RBFOX1: variants seen among roughly 807,000 people sequenced by gnomAD.
RBFOX1 encodes the protein RNA binding fox-1 homolog 1.
RBFOX1 carries 8 observed loss-of-function variants against 57.7 expected under a neutral mutation model. The observed-to-expected ratio is 0.14, with a 90% CI of 0.08 to 0.25. The LOEUF (loss-of-function observed/expected upper bound fraction) is 0.25. Among genes scored for constraint, RBFOX1 ranks in the 10% least tolerant of loss-of-function variants. The probability of loss-of-function intolerance (pLI) is 1.00; values close to 1 mark genes in which losing one functional copy is unlikely to be tolerated. For missense variants in RBFOX1, 611 were observed against 548.5 expected (o/e 1.11, Z -1.14); for synonymous variants, 326 against 222.4 (o/e 1.47, Z -4.15).
chr16:6,138,694 C>T (rs1024662772), intron 1 of RBFOX1, among the ~76,000 whole-genome samples: 20 of 152,126 alleles, frequency 1.3e-4, no homozygotes, highest in South Asian at 4.2e-4. Context: ...GGTGAAACCC[C>T]GTCTCTACTG....
intron 3 of RBFOX1, among the ~76,000 whole-genome samples, chr16:6,791,642 C>G (rs749564903): frequency 6.6e-5 from 10 of 152,076 alleles, no homozygotes; most frequent in Non-Finnish European, 1.3e-4. Flanking sequence ...GCTTGTAGTC[C>G]CAGCTACTCG....
Position 7,712,292 on chromosome 16 carries a change from A to G in RBFOX1, c.*1547A>G, listed in dbSNP as rs1042936292. 1 of 152,634 alleles carries G rather than the reference A, an allele frequency of 6.6e-6. No homozygotes were observed. Among genetic ancestry groups the G allele is most frequent in the Admixed American group, 6.5e-5 (1 of 15,284 alleles). 9.5% of individuals were successfully genotyped at this position (152,634 alleles called of 1,614,324 possible). On this transcript the variant is annotated 3_prime_UTR_variant, in exon 16 of 16. Coordinates refer to ENST00000550418, the MANE Select transcript of RBFOX1 (RefSeq NM_018723.4). ...CCATAGGTTAAGTCCTCATGTGTACAGTGCAGGCCCTGTGGCCCGCACTTC... is the reference window on the plus strand; with the variant it reads ...CCATAGGTTAAGTCCTCATGTGTACGGTGCAGGCCCTGTGGCCCGCACTTC...
At chr16:7,371,002 A>G (rs150040089) in intron 4 of RBFOX1, among the ~76,000 whole-genome samples, 2 of 152,156 alleles carry the variant, frequency 1.3e-5, no homozygotes, top group African/African-American at 2.4e-5. Flanking sequence ...CAGGACAGGT[A>G]TTTTATTGGG....
chr16:5,959,788 G>C (rs1158873185), intron 4 of RBFOX1, among the ~76,000 whole-genome samples: 1 of 152,126 alleles, frequency 6.6e-6, no homozygotes, highest in African/African-American at 2.4e-5. Flanking sequence ...CTCCAGCCTG[G>C]CTGACAGAGC....
At chr16:7,563,531 G>A (rs932468927) in intron 5 of RBFOX1, among the ~76,000 whole-genome samples, 3 of 152,084 alleles carry the variant, frequency 2.0e-5, no homozygotes, top group African/African-American at 4.8e-5. Flanking sequence ...GCAATGGCAC[G>A]ATCTCTGCTC....
At chr16:6,858,430 G>T (rs891829551) in intron 3 of RBFOX1, among the ~76,000 whole-genome samples, 3 of 152,136 alleles carry the variant, frequency 2.0e-5, no homozygotes, top group African/African-American at 7.2e-5. Flanking sequence ...GGACTTGAAG[G>T]AGTTCCACAA....
intron 3 of RBFOX1, among the ~76,000 whole-genome samples, chr16:6,844,045 C>G (rs149608031): frequency 2.6e-4 from 40 of 152,144 alleles, no homozygotes; most frequent in Admixed American, 6.5e-4. Context: ...TTTTCTTTCT[C>G]TCTCTCTTTC....
Position 6,765,994 on chromosome 16 carries a change from G to A in RBFOX1, c.-16+111344G>A, listed in dbSNP as rs560231203. ...CTCAGAAGATGGGAGGGTAGAAGGG[G>A]GATGAGGAGCAAAAAACTACCTATT... is the stretch of plus-strand genomic sequence containing the variant. On this transcript the variant is annotated intron_variant, in intron 3 of 15. Coordinates refer to ENST00000550418, the MANE Select transcript of RBFOX1 (RefSeq NM_018723.4). 5.3e-5 allele frequency among the ~76,000 whole-genome samples: 8 copies of A among 152,150 alleles called. No homozygotes were observed. The East Asian group carries it at 1.4e-3, about 26-fold the overall frequency.
intron 2 of RBFOX1, among the ~76,000 whole-genome samples, chr16:5,587,626 T>A (rs911782766): frequency 6.6e-6 from 1 of 152,048 alleles, no homozygotes; most frequent in Non-Finnish European, 1.5e-5. Flanking sequence ...GGCAGGAGGA[T>A]CACTAGAACC....
intron 2 of RBFOX1, among the ~76,000 whole-genome samples, chr16:6,603,018 TTTTA>T (rs1264109409): frequency 6.6e-6 from 1 of 152,212 alleles, no homozygotes; most frequent in Non-Finnish European, 1.5e-5. Flanking sequence ...AGTTTCCCAA[TTTTA>T]TTTATTTCAG....
At chr16:6,441,795 T>A (rs999581036) in intron 2 of RBFOX1, among the ~76,000 whole-genome samples, 4 of 152,190 alleles carry the variant, frequency 2.6e-5, no homozygotes, top group Admixed American at 6.5e-5. Flanking sequence ...CTCACAGCTT[T>A]AGCCCTTGAA....
At chr16:7,544,155 A>C (rs960911065) in intron 5 of RBFOX1, among the ~76,000 whole-genome samples, 2 of 152,344 alleles carry the variant, frequency 1.3e-5, no homozygotes, top group Non-Finnish European at 2.9e-5. Context: ...ACTCCTAAAG[A>C]CTGGGCTTTG....
chr16:6,307,464 CTAAAT>C (rs1334507552), intron 1 of RBFOX1, among the ~76,000 whole-genome samples: 1 of 150,832 alleles, frequency 6.6e-6, no homozygotes, highest in African/African-American at 2.4e-5. Context: ...CTTATTTATA[CTAAAT>C]TATTTCTTTC....
At chr16:5,685,078 C>G (rs1045367665) in intron 3 of RBFOX1, among the ~76,000 whole-genome samples, 2 of 152,048 alleles carry the variant, frequency 1.3e-5, no homozygotes, top group East Asian at 3.9e-4. Context: ...ATGAATTGGT[C>G]TCATAAGCAG....
chr16:7,431,587 A>T (rs923783813), intron 4 of RBFOX1, among the ~76,000 whole-genome samples: 2 of 152,186 alleles, frequency 1.3e-5, no homozygotes, highest in Non-Finnish European at 2.9e-5. Context: ...GGTAAAATAC[A>T]CGTAACATAA....
At chr16:7,372,793 G>A (rs1438677174) in intron 4 of RBFOX1, among the ~76,000 whole-genome samples, 1 of 151,970 alleles carries the variant, frequency 6.6e-6, no homozygotes, top group Non-Finnish European at 1.5e-5. Context: ...GGGAGGAAGA[G>A]AAGGAGGAAA....
chr16:7,313,427 C>G (rs1447622169), intron 4 of RBFOX1, among the ~76,000 whole-genome samples: 1 of 148,772 alleles, frequency 6.7e-6, no homozygotes. Context: ...TGAAGACTTT[C>G]TTTTTTCCTT....
At chr16:7,673,403 A>G (rs1321523342) in intron 13 of RBFOX1, among the ~76,000 whole-genome samples, 2 of 152,144 alleles carry the variant, frequency 1.3e-5, no homozygotes, top group Non-Finnish European at 1.5e-5. Flanking sequence ...CCCCACAAGC[A>G]TAATTTTGAA....
At chr16:6,681,362 C>G (rs768352082) in intron 3 of RBFOX1, among the ~76,000 whole-genome samples, 12 of 152,112 alleles carry the variant, frequency 7.9e-5, no homozygotes, top group South Asian at 2.1e-4. Flanking sequence ...TTGGTTAAGT[C>G]TTTGCTACCT....
Sources: allele counts gnomAD v4.1 joint callset (sites outside exome capture counted in the v4.1 genomes callset), GRCh38; gene constraint gnomAD v4.1.1; transcripts MANE v1.5; gene names NCBI Gene and HGNC (gene_info 2026-07-23, HGNC 2026-07-21).